WWOX: variants seen among roughly 807,000 people sequenced by gnomAD.
The protein encoded by WWOX is WW domain-containing oxidoreductase.
WWOX carries 69 observed loss-of-function variants against 46.2 expected under a neutral mutation model. That is an observed-to-expected ratio of 1.49 (90% CI 1.23 to 1.82). The LOEUF is 1.82. Among genes scored for constraint, WWOX ranks in the 40% most tolerant of loss-of-function variants. The probability of loss-of-function intolerance (pLI) is 0.00; values close to 1 mark genes in which losing one functional copy is unlikely to be tolerated. For synonymous variants in WWOX, 359 were observed against 202.6 expected (o/e 1.77, Z -6.56); for missense variants, 919 against 542.6 (o/e 1.69, Z -6.89).
intron 8 of WWOX, among the ~76,000 whole-genome samples, chr16:79,198,360 A>G (rs1185883155): frequency 3.3e-5 from 5 of 152,150 alleles, no homozygotes; most frequent in African/African-American, 1.2e-4. Flanking sequence ...AAAGAAAAGA[A>G]AAGAGTAAGA....
intron 8 of WWOX, among the ~76,000 whole-genome samples, chr16:79,052,388 C>G (rs1345326262): frequency 6.6e-6 from 1 of 152,304 alleles, no homozygotes; most frequent in East Asian, 1.9e-4. Flanking sequence ...TTTATGGCTG[C>G]ATAGTATTCC....
intron 8 of WWOX, among the ~76,000 whole-genome samples, chr16:78,928,650 C>G (rs1416740217): frequency 6.7e-6 from 1 of 148,304 alleles, no homozygotes; most frequent in Non-Finnish European, 1.5e-5. Context: ...GAAGGGGTTT[C>G]TTTGACTTAC....
At chr16:78,530,849 A>G (rs1297046870) in intron 8 of WWOX, among the ~76,000 whole-genome samples, 3 of 152,192 alleles carry the variant, frequency 2.0e-5, no homozygotes. Flanking sequence ...ACATTGATTG[A>G]GTGTGGATAA....
At chr16:78,806,645 G>A (rs374999181) in intron 8 of WWOX, among the ~76,000 whole-genome samples, 34 of 152,018 alleles carry the variant, frequency 2.2e-4, no homozygotes, top group African/African-American at 6.3e-4. Context: ...AAGGGTGAGC[G>A]TCCCAAGAGA....
Position 78,830,115 on chromosome 16 carries a change from A to G in WWOX, c.1057-381493A>G, listed in dbSNP as rs545736407. 1.6e-4 allele frequency among the ~76,000 whole-genome samples: 25 copies of G among 152,224 alleles called. No homozygotes were observed. The East Asian group carries it at 4.4e-3, about 27-fold the overall frequency. The stretch of plus-strand genomic sequence containing the variant: ...ACCCTCATCTCTATAAAAAATTTAC[A>G]TGAAAAAAAATAAACAAAATACTTC... On this transcript the variant is annotated intron_variant, in intron 8 of 8. Transcript: ENST00000566780.
At chr16:78,386,001 C>T (rs2082052665) in intron 5 of WWOX, among the ~76,000 whole-genome samples, 2 of 152,214 alleles carry the variant, frequency 1.3e-5, no homozygotes, top group South Asian at 4.1e-4. Context: ...CCATGAAGAA[C>T]ATGGCCAATG....
intron 8 of WWOX, among the ~76,000 whole-genome samples, chr16:78,538,985 C>G (rs2859645): frequency 0.45 from 68,434 of 152,062 alleles, 18,798 homozygotes; most frequent in Admixed American, 0.6. Context: ...CCTTTCACAG[C>G]TGTGGGATGA....
At chr16:78,934,179 G>C (rs8060810) in intron 8 of WWOX, among the ~76,000 whole-genome samples, 99,331 of 150,958 alleles carry the variant, frequency 0.66, 33,103 homozygotes, top group African/African-American at 0.76. Flanking sequence ...ACTAAAAATA[G>C]AAAAAGAAAT....
intron 4 of WWOX, among the ~76,000 whole-genome samples, chr16:78,152,194 GAAAAA>G (rs11421726): frequency 1.4e-5 from 2 of 144,558 alleles, no homozygotes; most frequent in Non-Finnish European, 3.0e-5. Flanking sequence ...CGTCTCAAGA[GAAAAA>G]AAAAAAAAAT....
chr16:79,140,161 G>T (rs932983487), intron 8 of WWOX, among the ~76,000 whole-genome samples: 1 of 152,136 alleles, frequency 6.6e-6, no homozygotes, highest in Non-Finnish European at 1.5e-5. Context: ...TCTGGTAAAG[G>T]ACTTTATCTG....
intron 8 of WWOX, among the ~76,000 whole-genome samples, chr16:78,837,473 C>T (rs572270536): frequency 5.9e-5 from 9 of 152,170 alleles, no homozygotes; most frequent in Non-Finnish European, 4.4e-5. Flanking sequence ...ATGGATGTCA[C>T]TTATAAGGCT....
intron 8 of WWOX, among the ~76,000 whole-genome samples, chr16:79,167,313 C>A (rs1233233437): frequency 1.3e-5 from 2 of 152,130 alleles, no homozygotes; most frequent in Non-Finnish European, 2.9e-5. Context: ...CTAACAATTC[C>A]AAAATGCTAA....
intron 8 of WWOX, among the ~76,000 whole-genome samples, chr16:78,523,780 C>A (rs925281518): frequency 1.3e-5 from 2 of 152,170 alleles, no homozygotes; most frequent in South Asian, 4.1e-4. Context: ...GAGAGCATGA[C>A]CCTGGGGGCC....
chr16:78,439,118 T>C (rs1597087083), intron 8 of WWOX, among the ~76,000 whole-genome samples: 1 of 152,202 alleles, frequency 6.6e-6, no homozygotes, highest in African/African-American at 2.4e-5. Context: ...TGAATGTGTA[T>C]TGGTACATTG....
intron 8 of WWOX, among the ~76,000 whole-genome samples, chr16:78,644,023 G>C (rs556763498): frequency 6.6e-5 from 10 of 152,234 alleles, no homozygotes; most frequent in Admixed American, 6.5e-4. Context: ...AGGAGTTTGA[G>C]ACCAGCCTGA....
At chr16:78,859,317 C>T (rs1432389466) in intron 8 of WWOX, among the ~76,000 whole-genome samples, 1 of 151,746 alleles carries the variant, frequency 6.6e-6, no homozygotes, top group Non-Finnish European at 1.5e-5. Flanking sequence ...TGCTGAATTC[C>T]CCTTCTCCCT....
chr16:78,323,515 C>G (rs1789614933), intron 5 of WWOX, among the ~76,000 whole-genome samples: 1 of 152,152 alleles, frequency 6.6e-6, no homozygotes, highest in African/African-American at 2.4e-5. Flanking sequence ...CCTCTTTGAG[C>G]TCTATTTAAA....
intron 8 of WWOX, chr16:79,203,302 C>G (rs2051402140): frequency 6.6e-6 from 1 of 152,212 alleles, no homozygotes; most frequent in African/African-American, 2.4e-5. Context: ...GAGAAATGGT[C>G]TGTTCCAGTG....
chr16:78,786,635 T>G (rs1470711084), intron 8 of WWOX, among the ~76,000 whole-genome samples: 1 of 152,210 alleles, frequency 6.6e-6, no homozygotes, highest in Admixed American at 6.5e-5. Context: ...GTTATGTAAT[T>G]TTCATCAAAA....
Sources: gnomAD v4.1 joint callset for allele counts (sites outside exome capture counted in the v4.1 genomes callset) on GRCh38, gnomAD v4.1.1 for gene constraint, MANE v1.5 for transcripts, NCBI Gene and HGNC (gene_info 2026-07-23, HGNC 2026-07-21) for gene names.